Variants in EPHA5 observed in about 807,000 individuals in gnomAD.
EPHA5 encodes the protein ephrin type-A receptor 5.
A neutral mutation model predicts 105.0 loss-of-function variants in EPHA5; 60 were observed. The ratio of observed to expected loss-of-function variants is 0.57; its 90% CI spans 0.46 to 0.71. EPHA5 has a LOEUF of 0.71. Ranked by LOEUF, EPHA5 falls within the 30% of genes least tolerant of loss-of-function variation. The probability of loss-of-function intolerance (pLI) is 0.00; values close to 1 mark genes in which losing one functional copy is unlikely to be tolerated. For missense variants in EPHA5, 1,218 were observed against 1,274.7 expected (o/e 0.96, Z 0.68); for synonymous variants, 513 against 449.1 (o/e 1.14, Z -1.80).
intron 8 of EPHA5, among the ~76,000 whole-genome samples, chr4:65,383,331 T>C (rs1560476859): frequency 6.6e-6 from 1 of 151,254 alleles, no homozygotes; most frequent in East Asian, 2.0e-4. Flanking sequence ...ATATTTCCAA[T>C]AATTATGAAA....
intron 3 of EPHA5, among the ~76,000 whole-genome samples, chr4:65,515,341 C>T (rs1578306196): frequency 1.3e-5 from 2 of 152,076 alleles, no homozygotes; most frequent in African/African-American, 2.4e-5. Flanking sequence ...ATTTGCATTT[C>T]CATTTGAATT....
intron 3 of EPHA5, among the ~76,000 whole-genome samples, chr4:65,584,444 C>T (rs765045888): frequency 4.0e-5 from 6 of 151,728 alleles, no homozygotes; most frequent in Admixed American, 2.0e-4. Flanking sequence ...AAGCCCTTTT[C>T]GGATTTTTTG....
intron 8 of EPHA5, among the ~76,000 whole-genome samples, chr4:65,379,580 TA>T (rs1719354597): frequency 6.6e-6 from 1 of 151,728 alleles, no homozygotes; most frequent in African/African-American, 2.4e-5. Flanking sequence ...ACATCTATTT[TA>T]CTTTGATCAG....
intron 15 of EPHA5, 41 bp downstream of exon 15, chr4:65,335,891 T>C: frequency 1.3e-6 from 2 of 1,539,496 alleles, no homozygotes; most frequent in South Asian, 2.5e-5. Context: ...TCAATCTGAG[T>C]TAGCTACATT....
rs1366197544 is a variant in EPHA5 at position 65,365,937 on chromosome 4, C to G, written c.1982G>C (p.Gly661Ala). The G allele has an allele frequency of 1.9e-6, 3 of 1,605,776 alleles. No individual in the cohort carries two copies. Among genetic ancestry groups the G allele is most frequent in the African/African-American group, 1.3e-5 (1 of 74,670 alleles). ...AGTCAAACACATTGTCGTACCTGCT[C>G]CAATAACTCTCTCAATGGTGATACA... is the stretch of plus-strand genomic sequence containing the variant. ...ASCITIERVI[G>A]AGEFGEVCSG... is the part of the protein sequence containing the mutation. The change falls in exon 10 of 17, where the codon GGA becomes GCA. Residue 661 changes from glycine to alanine, a missense_variant. By Grantham distance (60) the Gly-to-Ala change is moderately conservative (BLOSUM62 0). Transcript: ENST00000613740.
chr4:65,589,612 A>T (rs28582375), intron 3 of EPHA5, among the ~76,000 whole-genome samples: 2 of 152,204 alleles, frequency 1.3e-5, no homozygotes, highest in East Asian at 3.8e-4. Flanking sequence ...ACCGGTGTTG[A>T]CATATTAAAT....
At chr4:65,422,425 A>G (rs1724029562) in intron 5 of EPHA5, among the ~76,000 whole-genome samples, 1 of 152,082 alleles carries the variant, frequency 6.6e-6, no homozygotes, top group South Asian at 2.1e-4. Flanking sequence ...TGTCTCCCTC[A>G]CTGATACCTT....
At chr4:65,464,092 G>T (rs1453894781) in intron 5 of EPHA5, among the ~76,000 whole-genome samples, 1 of 151,360 alleles carries the variant, frequency 6.6e-6, no homozygotes, top group Non-Finnish European at 1.5e-5. Context: ...ATTCAAAGAA[G>T]AACAAAAAAC....
intron 2 of EPHA5, among the ~76,000 whole-genome samples, chr4:65,635,531 A>T (rs1747041301): frequency 6.6e-6 from 1 of 152,114 alleles, no homozygotes; most frequent in Non-Finnish European, 1.5e-5. Context: ...CTCAGTGGGG[A>T]GAAGACTGGT....
intron 5 of EPHA5, among the ~76,000 whole-genome samples, chr4:65,445,305 T>G (rs571216623): frequency 8.5e-5 from 13 of 152,292 alleles, no homozygotes; most frequent in Admixed American, 5.2e-4. Flanking sequence ...AGTATGTGAC[T>G]ATGAAGTTTA....
intron 8 of EPHA5, among the ~76,000 whole-genome samples, chr4:65,379,132 C>T (rs1719306045): frequency 1.3e-5 from 2 of 151,746 alleles, no homozygotes; most frequent in African/African-American, 2.4e-5. Context: ...TCGTGATTGG[C>T]TATTATCTCA....
At chr4:65,520,118 C>T (rs1009766390) in intron 3 of EPHA5, among the ~76,000 whole-genome samples, 1 of 152,176 alleles carries the variant, frequency 6.6e-6, no homozygotes, top group Admixed American at 6.6e-5. Context: ...CACTATCTGA[C>T]TTCAAATTAT....
intron 2 of EPHA5, among the ~76,000 whole-genome samples, chr4:65,636,109 T>G (rs1214237980): frequency 1.3e-5 from 2 of 152,192 alleles, no homozygotes; most frequent in Non-Finnish European, 2.9e-5. Context: ...TTAAGAAAGA[T>G]ATTTAGTTCT....
At chr4:65,646,030 G>C (rs988383206) in intron 1 of EPHA5, among the ~76,000 whole-genome samples, 4 of 151,986 alleles carry the variant, frequency 2.6e-5, no homozygotes, top group Non-Finnish European at 5.9e-5. Flanking sequence ...GAATAAATTA[G>C]GATTTGATTC....
At chr4:65,441,002 T>G (rs2149085498) in intron 5 of EPHA5, among the ~76,000 whole-genome samples, 1 of 152,284 alleles carries the variant, frequency 6.6e-6, no homozygotes, top group East Asian at 1.9e-4. Flanking sequence ...CATTTTGCTG[T>G]CAGTAATTTA....
intron 3 of EPHA5, among the ~76,000 whole-genome samples, chr4:65,497,481 G>C (rs973904419): frequency 1.3e-5 from 2 of 152,012 alleles, no homozygotes; most frequent in Non-Finnish European, 2.9e-5. Flanking sequence ...AAATGATTAG[G>C]AGAAGATTTA....
At position 65,324,142 on chromosome 4, in the gene EPHA5, T is replaced by TG. The variant is rs1560409965; in HGVS notation, c.3022dup (p.Gln1008ProfsTer20). 1.2e-6 allele frequency: 2 copies of TG among 1,609,232 alleles called. No individual in the cohort carries two copies. Among genetic ancestry groups the TG allele is most frequent in the Admixed American group, 3.4e-5 (2 of 59,658 alleles). On this transcript the variant is annotated frameshift_variant, in exon 17 of 17. Transcript: ENST00000613740. LOFTEE classifies it high-confidence loss of function. ...CAATGGCACCATTCCGTTTACCAGC[T>TG]GCACCTTCATTTCTTGAAGGCTGTT...
At chr4:65,432,907 A>G (rs2149067292) in intron 5 of EPHA5, among the ~76,000 whole-genome samples, 1 of 152,012 alleles carries the variant, frequency 6.6e-6, no homozygotes, top group East Asian at 1.9e-4. Flanking sequence ...TCTATATTTT[A>G]AGTATCAACA....
At chr4:65,542,660 C>T (rs1050049163) in intron 3 of EPHA5, among the ~76,000 whole-genome samples, 7 of 151,834 alleles carry the variant, frequency 4.6e-5, no homozygotes, top group African/African-American at 1.7e-4. Flanking sequence ...GAGCTGGCAC[C>T]ATTCCTTCAA....
Sources: gnomAD v4.1 joint callset for allele counts (sites outside exome capture counted in the v4.1 genomes callset) on GRCh38, gnomAD v4.1.1 for gene constraint, MANE v1.5 for transcripts, NCBI Gene and HGNC (gene_info 2026-07-23, HGNC 2026-07-21) for gene names.